ENPP6: variants seen among roughly 807,000 people sequenced by gnomAD.
ENPP6 encodes the protein ectonucleotide pyrophosphatase/phosphodiesterase 6.
In ENPP6, 32 loss-of-function variants were observed where a neutral mutation model predicts 42.0. That is an observed-to-expected ratio of 0.76 (90% CI 0.58 to 1.02). The LOEUF is 1.02. Ranked by LOEUF, ENPP6 falls within the 50% of genes least tolerant of loss-of-function variation. ENPP6 has a pLI of 0.00. For synonymous variants in ENPP6, 213 were observed against 216.0 expected (o/e 0.99, Z 0.12); for missense variants, 552 against 566.8 (o/e 0.97, Z 0.27).
chr4:184,140,177 T>C (rs1185270620), intron 2 of ENPP6, among the ~76,000 whole-genome samples: 1 of 152,080 alleles, frequency 6.6e-6, no homozygotes, highest in Non-Finnish European at 1.5e-5. Context: ...GAATCCAACT[T>C]ACAAGGGACA....
At position 184,097,299 on chromosome 4, in the gene ENPP6, C is replaced by T. The variant is rs763177717; in HGVS notation, c.1063G>A (p.Gly355Ser). The change falls in exon 7 of 8, where the codon GGC becomes AGC. Residue 355 changes from glycine to serine, a missense_variant. Around this residue, in one of 2 missense-constraint regions of ENPP6, gnomAD observed 545 missense variants for 546.3 expected, o/e 1.00. Coordinates refer to ENST00000296741, the MANE Select transcript of ENPP6 (RefSeq NM_153343.4). ...ATGTCCATGAGCTCGTTGTCGTAGCCGTGCCATCCACGCTGCCAACCTTCC... is the reference window on the plus strand; with the variant it reads ...ATGTCCATGAGCTCGTTGTCGTAGCTGTGCCATCCACGCTGCCAACCTTCC... ...RREGWQRGWH[G>S]YDNELMDMRG... 9.3e-6 allele frequency: 15 copies of T among 1,614,208 alleles called. No individual in the cohort carries two copies. Among genetic ancestry groups the T allele is most frequent in the Non-Finnish European group, 1.3e-5 (15 of 1,180,036 alleles).
intron 2 of ENPP6, among the ~76,000 whole-genome samples, chr4:184,135,007 GA>G (rs1736709724): frequency 6.6e-6 from 1 of 151,518 alleles, no homozygotes; most frequent in Non-Finnish European, 1.5e-5. Flanking sequence ...AATGTATGAG[GA>G]TTTTTTTATT....
chr4:184,183,266 G>A (rs1219101491), intron 1 of ENPP6, among the ~76,000 whole-genome samples: 1 of 152,186 alleles, frequency 6.6e-6, no homozygotes, highest in South Asian at 2.1e-4. Context: ...ATTCTATTAG[G>A]CAGACACTGA....
intron 2 of ENPP6, 83 bp from the exon 3 acceptor site, chr4:184,124,355 A>G: frequency 1.1e-6 from 1 of 935,780 alleles, no homozygotes; most frequent in Admixed American, 2.3e-5. Context: ...AGCAAACACC[A>G]TTAGTCAAAA....
chr4:184,093,631 T>G (rs1185169846), intron 7 of ENPP6, among the ~76,000 whole-genome samples: 4 of 126,912 alleles, frequency 3.2e-5, no homozygotes, highest in Admixed American at 2.6e-4. Flanking sequence ...AGAGCAAGAC[T>G]CTGTCTCAAA....
At chr4:184,117,082 C>T (rs372819487) in intron 4 of ENPP6, 47 bp from the exon 5 acceptor site, 15 of 1,603,888 alleles carry the variant, frequency 9.4e-6, no homozygotes, top group African/African-American at 6.7e-5. Context: ...CAGAGAGGCT[C>T]GTGCACTCAG....
chr4:184,208,297 T>C (rs1206279655), intron 1 of ENPP6, among the ~76,000 whole-genome samples: 4 of 152,004 alleles, frequency 2.6e-5, no homozygotes, highest in Non-Finnish European at 5.9e-5. Flanking sequence ...ATGCAGAAGA[T>C]GGGTGATTTC....
intron 1 of ENPP6, among the ~76,000 whole-genome samples, chr4:184,213,414 C>G (rs2111126637): frequency 6.6e-6 from 1 of 152,180 alleles, no homozygotes; most frequent in South Asian, 2.1e-4. Flanking sequence ...ACAACCCCAT[C>G]AAAAAGTGGG....
chr4:184,184,118 T>A lies in ENPP6; in HGVS notation c.242-30385A>T, dbSNP rs561126642. Among the ~76,000 whole-genome samples, 21 of 152,290 alleles carry A rather than the reference T, an allele frequency of 1.4e-4. No individual in the cohort carries two copies. Among genetic ancestry groups the A allele is most frequent in the Admixed American group, 1.1e-3 (17 of 15,294 alleles). On this transcript the variant is annotated intron_variant, in intron 1 of 7. Coordinates refer to ENST00000296741, the MANE Select transcript of ENPP6 (RefSeq NM_153343.4). The surrounding 1 kb of genome is among the most constrained non-coding windows in gnomAD (Gnocchi z 4.7). The stretch of plus-strand genomic sequence containing the variant: ...TGTGAGGGAGGAAACAGTTCTAGCA[T>A]GTTAAACCACTGAGATGTTAGAGTG...
At chr4:184,191,765 G>A (rs992924183) in intron 1 of ENPP6, among the ~76,000 whole-genome samples, 1 of 152,200 alleles carries the variant, frequency 6.6e-6, no homozygotes. Context: ...ATTCTTGTAT[G>A]CAGAAAATCC....
intron 2 of ENPP6, among the ~76,000 whole-genome samples, chr4:184,143,551 C>T (rs1009913364): frequency 2.0e-5 from 3 of 152,368 alleles, no homozygotes; most frequent in African/African-American, 7.2e-5. Flanking sequence ...CTCTGTCCTC[C>T]TCCCCTTCTC....
intron 3 of ENPP6, among the ~76,000 whole-genome samples, chr4:184,122,187 C>G (rs1736426771): frequency 1.3e-5 from 2 of 152,162 alleles, no homozygotes; most frequent in Admixed American, 1.3e-4. Context: ...TTCACTGCTT[C>G]CAGGGCATCA....
intron 2 of ENPP6, among the ~76,000 whole-genome samples, chr4:184,146,345 G>A (rs1327939807): frequency 6.6e-6 from 1 of 151,606 alleles, no homozygotes; most frequent in African/African-American, 2.4e-5. Flanking sequence ...GCAGAGAATT[G>A]CTTGAACCTG....
chr4:184,122,028 T>C (rs754008146), intron 3 of ENPP6, among the ~76,000 whole-genome samples: 1 of 152,200 alleles, frequency 6.6e-6, no homozygotes, highest in African/African-American at 2.4e-5. Flanking sequence ...CTTTCTCACA[T>C]GTCAAGAGCT....
chr4:184,195,287 C>T (rs770404509), intron 1 of ENPP6, among the ~76,000 whole-genome samples: 2 of 152,126 alleles, frequency 1.3e-5, no homozygotes, highest in African/African-American at 2.4e-5. Flanking sequence ...TCCCACCCTC[C>T]GCTGTCCGAT....
chr4:184,194,168 C>T (rs189899883), intron 1 of ENPP6, among the ~76,000 whole-genome samples: 95 of 152,296 alleles, frequency 6.2e-4, no homozygotes, highest in Non-Finnish European at 9.1e-4. Context: ...TCAGCATCTC[C>T]GGGCCTTCGC....
chr4:184,188,189 G>T (rs749768329), intron 1 of ENPP6, among the ~76,000 whole-genome samples: 3 of 152,092 alleles, frequency 2.0e-5, no homozygotes, highest in African/African-American at 4.8e-5. Flanking sequence ...GGGGTGTTTT[G>T]TTTCCATCCT....
chr4:184,157,300 C>CA (rs1179022359), intron 1 of ENPP6, among the ~76,000 whole-genome samples: 1 of 152,340 alleles, frequency 6.6e-6, no homozygotes, highest in Non-Finnish European at 1.5e-5. Flanking sequence ...ATCTCTCTCC[C>CA]ACTGCTGGAT....
intron 1 of ENPP6, chr4:184,216,700 C>T (rs934162682): frequency 4.6e-5 from 7 of 152,206 alleles, no homozygotes; most frequent in African/African-American, 1.4e-4. Context: ...GCTGCCTTTA[C>T]AAAGGTTATA....
Sources: gnomAD v4.1 joint callset for allele counts (sites outside exome capture counted in the v4.1 genomes callset) on GRCh38, gnomAD v4.1.1 for gene constraint, gnomAD v4.1.1 regional missense constraint, Gnocchi (gnomAD v3.1) non-coding constraint, MANE v1.5 for transcripts, NCBI Gene and HGNC (gene_info 2026-07-23, HGNC 2026-07-21) for gene names.